The following CERS3 variants were observed in gnomAD, a reference collection of about 807,000 sequenced individuals.
CERS3 encodes ceramide synthase 3, also known as LAG1 homolog, ceramide synthase 3.
In CERS3, 33 loss-of-function variants were observed where a neutral mutation model predicts 50.3. The ratio of observed to expected loss-of-function variants is 0.66; its 90% CI spans 0.50 to 0.88. The LOEUF (loss-of-function observed/expected upper bound fraction) is 0.88, where lower values mean the gene tolerates loss of function less well. Among genes scored for constraint, CERS3 ranks in the 40% least tolerant of loss-of-function variants. CERS3 has a pLI of 0.00. For missense variants in CERS3, 470 were observed against 460.3 expected (o/e 1.02, Z -0.19); for synonymous variants, 176 against 155.2 (o/e 1.13, Z -0.99).
At chr15:100,495,424 C>T (rs1016651813) in intron 3 of CERS3, among the ~76,000 whole-genome samples, 3 of 152,128 alleles carry the variant, frequency 2.0e-5, no homozygotes, top group African/African-American at 7.2e-5. Flanking sequence ...ACAATTTTTG[C>T]TAGTTTTCTG....
At chr15:100,461,341 G>A (rs966732664) in intron 10 of CERS3, among the ~76,000 whole-genome samples, 3 of 152,108 alleles carry the variant, frequency 2.0e-5, no homozygotes, top group Admixed American at 1.3e-4. Context: ...GAAAGAAGCT[G>A]CCATTAAGAT....
At chr15:100,531,157 C>T (rs573904633), upstream of CERS3, among the ~76,000 whole-genome samples, 2 of 152,296 alleles carry the variant, frequency 1.3e-5, no homozygotes, top group African/African-American at 4.8e-5. Context: ...GTTTTAGTTA[C>T]TTCTACAATG....
intron 11 of CERS3, among the ~76,000 whole-genome samples, chr15:100,412,218 G>T (rs1405023655): frequency 6.6e-6 from 1 of 151,950 alleles, no homozygotes; most frequent in Admixed American, 6.6e-5. Flanking sequence ...TTAGGTCTTT[G>T]CTTGAATTCA....
chr15:100,542,740 T>C (rs1596841169), intron 1 of CERS3, among the ~76,000 whole-genome samples: 1 of 152,196 alleles, frequency 6.6e-6, no homozygotes, highest in South Asian at 2.1e-4. Context: ...TCACAATAAA[T>C]ACATGTTATA....
intron 4 of CERS3, among the ~76,000 whole-genome samples, chr15:100,487,192 G>A (rs866575722): frequency 2.0e-5 from 3 of 152,182 alleles, no homozygotes; most frequent in Admixed American, 1.3e-4. Flanking sequence ...ACAAAAACAA[G>A]CATGATTAAG....
At chr15:100,540,508 C>T (rs1247917415) in intron 1 of CERS3, among the ~76,000 whole-genome samples, 1 of 152,188 alleles carries the variant, frequency 6.6e-6, no homozygotes, top group Non-Finnish European at 1.5e-5. Context: ...CGTGCCATTG[C>T]ACTCCAGCCT....
chr15:100,421,187 T>C (rs545025524), intron 11 of CERS3, among the ~76,000 whole-genome samples: 5 of 151,604 alleles, frequency 3.3e-5, no homozygotes, highest in African/African-American at 7.3e-5. Context: ...GAAAACCCCA[T>C]TGTCTCAGCC....
chr15:100,471,285 G>T (rs1007647014), intron 9 of CERS3, among the ~76,000 whole-genome samples: 1 of 151,796 alleles, frequency 6.6e-6, no homozygotes, highest in Non-Finnish European at 1.5e-5. Flanking sequence ...GTAATAATGA[G>T]CTAAACTTCA....
At chr15:100,477,662 C>T (rs531294551) in intron 7 of CERS3, among the ~76,000 whole-genome samples, 1 of 152,272 alleles carries the variant, frequency 6.6e-6, no homozygotes, top group South Asian at 2.1e-4. Context: ...ATAAATTCTG[C>T]ATATGCCAGT....
intron 11 of CERS3, among the ~76,000 whole-genome samples, chr15:100,410,404 A>T (rs2031386833): frequency 6.6e-6 from 1 of 152,204 alleles, no homozygotes; most frequent in Admixed American, 6.5e-5. Context: ...CTACAAAGGG[A>T]GACCTCGTTT....
intron 11 of CERS3, among the ~76,000 whole-genome samples, chr15:100,433,220 A>G (rs2033221085): frequency 6.7e-6 from 1 of 149,886 alleles, no homozygotes; most frequent in African/African-American, 2.5e-5. Context: ...TGGGCAATAG[A>G]GCAAGACTCT....
intron 11 of CERS3, among the ~76,000 whole-genome samples, chr15:100,451,155 G>A (rs2034146851): frequency 6.6e-6 from 1 of 151,042 alleles, no homozygotes; most frequent in South Asian, 2.1e-4. Context: ...AGAAGAGAAA[G>A]GACTCAAATG....
intron 11 of CERS3, among the ~76,000 whole-genome samples, chr15:100,425,303 C>A (rs945285966): frequency 1.3e-5 from 2 of 152,190 alleles, no homozygotes; most frequent in Non-Finnish European, 2.9e-5. Flanking sequence ...ACTATGCACC[C>A]GGAAAAGCCA....
chr15:100,482,248 G>A (rs1369313948), intron 5 of CERS3, among the ~76,000 whole-genome samples: 3 of 152,120 alleles, frequency 2.0e-5, no homozygotes, highest in South Asian at 4.1e-4. Context: ...AAACATAAAC[G>A]TGGGGGGAGA....
intron 3 of CERS3, among the ~76,000 whole-genome samples, chr15:100,491,465 C>T (rs992203699): frequency 1.3e-5 from 2 of 151,984 alleles, no homozygotes; most frequent in African/African-American, 4.8e-5. Flanking sequence ...GCATTCCCAC[C>T]AATAATTTGT....
chr15:100,422,772 C>T (rs1359678540), intron 11 of CERS3, among the ~76,000 whole-genome samples: 2 of 136,420 alleles, frequency 1.5e-5, no homozygotes, highest in African/African-American at 5.5e-5. Context: ...ATGATGAGTT[C>T]ATGTCCTTTG....
At chr15:100,474,525 C>T (rs1482651679) in intron 8 of CERS3, among the ~76,000 whole-genome samples, 3 of 152,154 alleles carry the variant, frequency 2.0e-5, no homozygotes, top group Non-Finnish European at 4.4e-5. Flanking sequence ...CTGCCTCAGC[C>T]TCCCAAGTAG....
chr15:100,460,048 C>T (rs1369946516), intron 10 of CERS3, among the ~76,000 whole-genome samples: 1 of 152,062 alleles, frequency 6.6e-6, no homozygotes, highest in Non-Finnish European at 1.5e-5. Context: ...TAGCTTTATA[C>T]AGTCCAGTAT....
At chr15:100,498,050 C>T (rs1044274150) in intron 3 of CERS3, among the ~76,000 whole-genome samples, 2 of 151,936 alleles carry the variant, frequency 1.3e-5, no homozygotes, top group Non-Finnish European at 1.5e-5. Context: ...TGTGCCAACA[C>T]ACCCAGTTAA....
Sources: gnomAD v4.1 joint callset for allele counts (sites outside exome capture counted in the v4.1 genomes callset) on GRCh38, gnomAD v4.1.1 for gene constraint, MANE v1.5 for transcripts, NCBI Gene and HGNC (gene_info 2026-07-23, HGNC 2026-07-21) for gene names.